TGFBR3: variants seen among roughly 807,000 people sequenced by gnomAD.
The protein encoded by TGFBR3 is transforming growth factor beta receptor type 3.
In TGFBR3, 46 loss-of-function variants were observed where a neutral mutation model predicts 87.9. That is an observed-to-expected ratio of 0.52 (90% CI 0.41 to 0.67). The LOEUF (loss-of-function observed/expected upper bound fraction) is 0.67, where lower values mean the gene tolerates loss of function less well. Among genes scored for constraint, TGFBR3 ranks in the 30% least tolerant of loss-of-function variants. TGFBR3 has a pLI of 0.00. For synonymous variants in TGFBR3, 381 were observed against 391.6 expected (o/e 0.97, Z 0.32); for missense variants, 866 against 1,041.9 (o/e 0.83, Z 2.32).
At chr1:91,826,229 T>C (rs932995225) in intron 2 of TGFBR3, among the ~76,000 whole-genome samples, 2 of 151,474 alleles carry the variant, frequency 1.3e-5, no homozygotes, top group Non-Finnish European at 2.9e-5. Context: ...CATTAGAGGG[T>C]CCCCTAGAAG....
intron 2 of TGFBR3, among the ~76,000 whole-genome samples, chr1:91,896,919 T>C (rs1041352031): frequency 1.3e-4 from 2 of 15,334 alleles, no homozygotes; most frequent in African/African-American, 2.9e-4. Context: ...CTTTTTCTTT[T>C]CTTTTTTTTT....
At chr1:91,729,033 T>TAC (rs56158224) in intron 6 of TGFBR3, among the ~76,000 whole-genome samples, 2,990 of 89,604 alleles carry the variant, frequency 0.033, 156 homozygotes, top group South Asian at 0.11. Context: ...CACTCCAGCA[T>TAC]ACACACACAC....
At chr1:91,749,055 G>A (rs182641838) in intron 4 of TGFBR3, among the ~76,000 whole-genome samples, 2 of 152,216 alleles carry the variant, frequency 1.3e-5, no homozygotes, top group South Asian at 2.1e-4. Flanking sequence ...GACAGGCCAC[G>A]AGTCATTCCT....
At chr1:91,720,299 A>C in intron 8 of TGFBR3, 69 bp from the exon 9 acceptor site, 1 of 1,420,734 alleles carries the variant, frequency 7.0e-7, no homozygotes, top group Non-Finnish European at 9.6e-7. Context: ...CATTACAGGC[A>C]GAACAGGAGG....
At chr1:91,778,924 G>C (rs950725585) in intron 3 of TGFBR3, among the ~76,000 whole-genome samples, 1 of 152,180 alleles carries the variant, frequency 6.6e-6, no homozygotes, top group South Asian at 2.1e-4. Context: ...CCTCTCAGTG[G>C]AGGTAATGGC....
intron 2 of TGFBR3, among the ~76,000 whole-genome samples, chr1:91,835,672 C>T (rs1553171379): frequency 6.6e-6 from 1 of 151,398 alleles, no homozygotes; most frequent in Non-Finnish European, 1.5e-5. Context: ...ACTAAAAATA[C>T]AAAAAATTAG....
chr1:91,683,092 GT>G lies in TGFBR3; in HGVS notation c.*646del, dbSNP rs1670965830. On this transcript the variant is annotated 3_prime_UTR_variant, in exon 17 of 17. Transcript: ENST00000212355. ...GAAGCTGATAAGGTCATCAGCATTG[GT>G]TTTGGCCCAGGGCACAAGAAAGGAA... 6.6e-6 allele frequency: 3 copies of G among 454,540 alleles called. No individual in the cohort carries two copies. The highest frequency in any genetic ancestry group is 1.4e-3 in the Middle Eastern group (2 of 1,444). 28.2% of individuals were successfully genotyped at this position (454,540 alleles called of 1,614,324 possible).
At chr1:91,902,860 CA>C (rs1326410445) in intron 1 of TGFBR3, among the ~76,000 whole-genome samples, 1 of 151,916 alleles carries the variant, frequency 6.6e-6, no homozygotes, top group East Asian at 1.9e-4. Context: ...CAGCTGTGGA[CA>C]GGGGCAGTGC....
rs1050889249 is a variant in TGFBR3 at position 91,681,578 on chromosome 1, A to C, written c.*2161T>G. On this transcript the variant is annotated 3_prime_UTR_variant, in exon 17 of 17. Coordinates refer to ENST00000212355, the MANE Select transcript of TGFBR3 (RefSeq NM_003243.5). Reference sequence around the variant, plus strand: ...AATCTTTTAATATCTCCTAATAGCTAATTTTCTTTTTAACACGATGGAAAA... The same window carrying C: ...AATCTTTTAATATCTCCTAATAGCTCATTTTCTTTTTAACACGATGGAAAA... 2.5e-6 allele frequency: 1 copy of C among 398,042 alleles called. No homozygotes were observed. The highest frequency in any genetic ancestry group is 4.8e-6 in the Non-Finnish European group (1 of 208,310). 24.7% of individuals were successfully genotyped at this position (398,042 alleles called of 1,614,324 possible). A position where few individuals can be genotyped will look rare whatever the true frequency, so the allele number is the denominator to read the frequency against.
rs139725168 is a variant in TGFBR3, at chr1:91,825,028, A to G, written c.62-27557T>C. ...TTGGCAGTTCTTCAAAGGGTTAAAC[A>G]CAGAGTAACCATATGACCCAGCGAT... On this transcript the variant is annotated intron_variant, in intron 2 of 16. Transcript: ENST00000212355. 4.2e-3 allele frequency among the ~76,000 whole-genome samples: 637 copies of G among 152,362 alleles called. 5 individuals carry two copies. The highest frequency in any genetic ancestry group is 6.1e-3 in the Non-Finnish European group (418 of 68,044).
chr1:91,743,696 T>A (rs1027458796), intron 4 of TGFBR3, among the ~76,000 whole-genome samples: 1 of 152,238 alleles, frequency 6.6e-6, no homozygotes, highest in Non-Finnish European at 1.5e-5. Context: ...ATTTGTTTGA[T>A]AAATAAAACA....
chr1:91,794,651 G>C (rs1675309655), intron 3 of TGFBR3, among the ~76,000 whole-genome samples: 1 of 152,116 alleles, frequency 6.6e-6, no homozygotes, highest in Non-Finnish European at 1.5e-5. Flanking sequence ...ATGATATGTG[G>C]TCTTTGTGTC....
At chr1:91,713,236 G>A (rs1447755922) in intron 12 of TGFBR3, among the ~76,000 whole-genome samples, 2 of 152,116 alleles carry the variant, frequency 1.3e-5, no homozygotes, top group Non-Finnish European at 2.9e-5. Flanking sequence ...AATCTAATCT[G>A]GAAACGTTTC....
At chr1:91,868,485 G>A (rs1256265057) in intron 1 of TGFBR3, among the ~76,000 whole-genome samples, 2 of 152,114 alleles carry the variant, frequency 1.3e-5, no homozygotes. Flanking sequence ...AAATGGTGGT[G>A]AAGCCATTGC....
chr1:91,891,902 G>A (rs78454104), intron 2 of TGFBR3, among the ~76,000 whole-genome samples: 8,551 of 152,102 alleles, frequency 0.056, 287 homozygotes, highest in Non-Finnish European at 0.081. Context: ...ATCTATCTAC[G>A]AGATTAGAAT....
chr1:91,740,556 G>A (rs747013458), intron 4 of TGFBR3, among the ~76,000 whole-genome samples: 1 of 151,830 alleles, frequency 6.6e-6, no homozygotes, highest in Admixed American at 6.6e-5. Context: ...GTAGAGACAG[G>A]GTTTCACCAG....
At chr1:91,852,389 T>C (rs1008149039) in intron 2 of TGFBR3, among the ~76,000 whole-genome samples, 1 of 152,160 alleles carries the variant, frequency 6.6e-6, no homozygotes, top group Admixed American at 6.5e-5. Flanking sequence ...TGTGTGTGTA[T>C]GTGTGTGTGT....
At chr1:91,683,985 T>C in intron 16 of TGFBR3, 128 bp from the exon 17 acceptor site, 1 of 792,910 alleles carries the variant, frequency 1.3e-6, no homozygotes, top group South Asian at 1.6e-5. Context: ...CAGAAGCAAC[T>C]AGACTAGGTC....
chr1:91,759,731 G>A (rs1673891541), intron 3 of TGFBR3, among the ~76,000 whole-genome samples: 1 of 152,186 alleles, frequency 6.6e-6, no homozygotes, highest in South Asian at 2.1e-4. Flanking sequence ...TAACCATAAA[G>A]TAATAAGGGA....
Sources: gnomAD v4.1 joint callset for allele counts (sites outside exome capture counted in the v4.1 genomes callset) on GRCh38, gnomAD v4.1.1 for gene constraint, MANE v1.5 for transcripts, NCBI Gene and HGNC (gene_info 2026-07-23, HGNC 2026-07-21) for gene names.